Variants in AGAP3 observed in about 807,000 individuals in gnomAD.
The protein encoded by AGAP3 is ArfGAP with GTPase domain, ankyrin repeat and PH domain 3, also known as arf-GAP with GTPase, ANK repeat and PH domain-containing protein 3.
AGAP3 carries 24 observed loss-of-function variants against 96.9 expected under a neutral mutation model. That is an observed-to-expected ratio of 0.25 (90% CI 0.18 to 0.35). AGAP3 has a LOEUF of 0.35. Ranked by LOEUF, AGAP3 falls within the 10% of genes least tolerant of loss-of-function variation. AGAP3 has a pLI of 1.00. For missense variants in AGAP3, 876 were observed against 1,254.2 expected, an observed-to-expected ratio of 0.70 and a Z score of 4.55; for synonymous variants, 563 against 536.1, an observed-to-expected ratio of 1.05 and a Z score of -0.69.
chr7:151,104,769 C>T (rs1187423959), intron 1 of AGAP3, among the ~76,000 whole-genome samples: 1 of 152,230 alleles, frequency 6.6e-6, no homozygotes, highest in African/African-American at 2.4e-5. Flanking sequence ...GGGAAGAACA[C>T]ACCATAGGCA....
At position 151,118,377 on chromosome 7, in the gene AGAP3, G is replaced by A. The variant is rs1405187162; in HGVS notation, c.841+33G>A. On this transcript the variant is annotated intron_variant, in intron 6 of 17. Coordinates refer to ENST00000397238, the MANE Select transcript of AGAP3 (RefSeq NM_031946.7). The surrounding 1 kb of genome is among the most constrained non-coding windows in gnomAD (Gnocchi z 6.1). ...GGGTGCCGGGTGGGAGTCACTGGCAGCCGCGGCCCCAGTGCTGGCGATAGG... is the reference window on the plus strand; with the variant it reads ...GGGTGCCGGGTGGGAGTCACTGGCAACCGCGGCCCCAGTGCTGGCGATAGG... 2 of 1,598,512 alleles carry A rather than the reference G, an allele frequency of 1.3e-6. No homozygotes were observed. Among genetic ancestry groups the A allele is most frequent in the Non-Finnish European group, 8.6e-7 (1 of 1,168,224 alleles).
chr7:151,114,694 C>T lies in AGAP3; in HGVS notation c.332-2099C>T. On this transcript the variant is annotated intron_variant, in intron 1 of 17. Coordinates refer to ENST00000397238, the MANE Select transcript of AGAP3 (RefSeq NM_031946.7). This position sits in a 1 kb window ranked among gnomAD's most constrained non-coding sequence, Gnocchi z 4.4. The stretch of plus-strand genomic sequence containing the variant: ...TGCCCAGAGGCCGGAGGTCCGTGCG[C>T]CCCGGCCGCGGCCCCGGCCCGGGCC... 1 of 994,314 alleles carries T rather than the reference C, an allele frequency of 1.0e-6. No individual in the cohort carries two copies. 61.6% of individuals were successfully genotyped at this position (994,314 alleles called of 1,614,324 possible).
chr7:151,113,415 C>A (rs750476625), intron 1 of AGAP3, among the ~76,000 whole-genome samples: 1 of 152,190 alleles, frequency 6.6e-6, no homozygotes, highest in African/African-American at 2.4e-5. Context: ...GAATTTCCAG[C>A]GCTCTTTTCT....
In AGAP3 at chr7:151,140,165, C is replaced by G; in HGVS notation, c.1804+49C>G. ...CGGGCACAGGAGGTGGGCAGTGGGACTTGGGGATAGTACCCTAAAAGTAAC... is the reference window on the plus strand; with the variant it reads ...CGGGCACAGGAGGTGGGCAGTGGGAGTTGGGGATAGTACCCTAAAAGTAAC... On this transcript the variant is annotated intron_variant, in intron 13 of 17. Transcript: ENST00000397238. The surrounding 1 kb of genome is among the most constrained non-coding windows in gnomAD (Gnocchi z 5.4). The G allele has an allele frequency of 1.0e-5, 15 of 1,484,102 alleles. No homozygotes were observed. The highest frequency in any genetic ancestry group is 1.3e-5 in the Non-Finnish European group (14 of 1,116,008). The allele number at this position is 1,484,102 out of a possible 1,614,324, so 91.9% of individuals were successfully genotyped here.
intron 1 of AGAP3, 77 bp downstream of exon 1, chr7:151,087,149 C>T (rs976937077): frequency 1.4e-6 from 2 of 1,444,454 alleles, no homozygotes; most frequent in Admixed American, 4.0e-5. Flanking sequence ...ACAGGCCGTG[C>T]CTGGCCATGC....
chr7:151,098,086 CG>C (rs1162966631), intron 1 of AGAP3, among the ~76,000 whole-genome samples: 2 of 152,114 alleles, frequency 1.3e-5, no homozygotes, highest in Admixed American at 1.3e-4. Flanking sequence ...GGACCAAGCG[CG>C]GTGGCTCACA....
Position 151,134,469 on chromosome 7 carries a change from C to T in AGAP3, c.1396C>T (p.Arg466Cys), listed in dbSNP as rs767209308. The T allele has an allele frequency of 2.6e-5, 42 of 1,612,516 alleles. No homozygotes were observed. Among genetic ancestry groups the T allele is most frequent in the Non-Finnish European group, 3.4e-5 (40 of 1,179,814 alleles). Residue 466 changes from arginine to cysteine, a missense_variant, in exon 11 of 18, where the codon CGC (arginine) becomes TGC (cysteine). By Grantham distance (180) the Arg-to-Cys change is radical. Transcript: ENST00000397238. ...LRTTVKVPGK[R>C]LPRATPATAP... is the part of the protein sequence containing the mutation. ...GACAACGGTGAAAGTGCCAGGGAAG[C>T]GCCTGCCCCGAGCCACACCTGCCAC...
At chr7:151,103,173 T>G (rs533920134) in intron 1 of AGAP3, among the ~76,000 whole-genome samples, 1 of 152,334 alleles carries the variant, frequency 6.6e-6, no homozygotes, top group African/African-American at 2.4e-5. Context: ...CCCTACAGGG[T>G]AGTATTAACC....
Position 151,143,924 on chromosome 7 carries a change from G to T in AGAP3, c.2717G>T (p.Arg906Leu). 6.2e-7 allele frequency: 1 copy of T among 1,614,004 alleles called. No individual in the cohort carries two copies. The change falls in exon 18 of 18, where the codon CGT (arginine) becomes CTT (leucine). Residue 906 changes from arginine (R) to leucine (L), a missense_variant. Transcript: ENST00000397238. This position sits in a 1 kb window ranked among gnomAD's most constrained non-coding sequence, Gnocchi z 5.9. ...ACCAACCCCTCTGCTGAGCTGCACC[G>T]TAGTCCTAGCCTCCTATAAGGCCCA... is the stretch of plus-strand genomic sequence containing the variant. The part of the protein sequence containing the change: ...NGTNPSAELH[R>L]SPSLL
At position 151,142,738 on chromosome 7, in the gene AGAP3, ACTGT is replaced by A. The variant is rs1389152980; in HGVS notation, c.2273+109_2273+112del. The stretch of plus-strand genomic sequence containing the variant: ...CTGTGATGGTATTAGAAGGGTTAAA[ACTGT>A]CTGTTGCTCTGCTTGGCAGTTGGCC... On this transcript the variant is annotated intron_variant, in intron 16 of 17. Coordinates refer to ENST00000397238, the MANE Select transcript of AGAP3 (RefSeq NM_031946.7). This position sits in a 1 kb window ranked among gnomAD's most constrained non-coding sequence, Gnocchi z 7.5. 9 of 1,257,900 alleles carry A rather than the reference ACTGT, an allele frequency of 7.2e-6. No homozygotes were observed. Among genetic ancestry groups the A allele is most frequent in the South Asian group, 4.2e-5 (3 of 71,232 alleles). 77.9% of individuals were successfully genotyped at this position (1,257,900 alleles called of 1,614,324 possible). A position where few individuals can be genotyped will look rare whatever the true frequency, so the allele number is the denominator to read the frequency against.
Position 151,142,413 on chromosome 7 carries a change from T to A in AGAP3, c.2052T>A (p.Asn684Lys). Residue 684 changes from asparagine to lysine, a missense_variant and splice_region_variant, in exon 16 of 18, where the codon AAT becomes AAA. By Grantham distance (94) the Asn-to-Lys change is moderately conservative. This residue lies in a region of AGAP3 where 103 missense variants were observed against 183.0 expected (regional missense o/e 0.56). Transcript: ENST00000397238. The surrounding 1 kb of genome is among the most constrained non-coding windows in gnomAD (Gnocchi z 7.5). ...TATCATTCTCCTCTCCTTGCCTAGA[T>A]CCAGACTGGGCCAGCCTGAACCTGG... is the stretch of plus-strand genomic sequence containing the variant. ...NSFCIDCDAP[N>K]PDWASLNLGA... 2.5e-6 allele frequency: 4 copies of A among 1,613,268 alleles called. No homozygotes were observed. Among genetic ancestry groups the A allele is most frequent in the Non-Finnish European group, 3.4e-6 (4 of 1,179,506 alleles).
chr7:151,117,615 ATT>A lies in AGAP3; in HGVS notation c.565-18_565-17del. Reference sequence around the variant, plus strand: ...TTGCCAGGTCCAGTTGCGGGTGCTAATTTTACTTGCTCTACCCTAGTTTGCTG... The same window carrying A: ...TTGCCAGGTCCAGTTGCGGGTGCTAATTACTTGCTCTACCCTAGTTTGCTG... On this transcript the variant is annotated intron_variant, in intron 4 of 17. Transcript: ENST00000397238. 1.2e-6 allele frequency: 2 copies of A among 1,613,458 alleles called. No homozygotes were observed. The highest frequency in any genetic ancestry group is 1.7e-6 in the Non-Finnish European group (2 of 1,179,580).
Position 151,118,921 on chromosome 7 carries a change from G to A in AGAP3, c.969+289G>A, listed in dbSNP as rs1251264160. ...CCTACCCCGATGCCCTCTGCTGAAA[G>A]TCCTGGGCCATCCACAGGTGGCATG... On this transcript the variant is annotated intron_variant, in intron 7 of 17. Coordinates refer to ENST00000397238, the MANE Select transcript of AGAP3 (RefSeq NM_031946.7). This position sits in a 1 kb window ranked among gnomAD's most constrained non-coding sequence, Gnocchi z 6.1. Among the ~76,000 whole-genome samples, 1 of 152,200 alleles carries A rather than the reference G, an allele frequency of 6.6e-6. No homozygotes were observed.
At chr7:151,093,824 G>A (rs1335710967) in intron 1 of AGAP3, among the ~76,000 whole-genome samples, 1 of 152,194 alleles carries the variant, frequency 6.6e-6, no homozygotes, top group Non-Finnish European at 1.5e-5. Context: ...GAGAGCTGGG[G>A]CAAGTCTGCT....
intron 8 of AGAP3, chr7:151,120,970 G>A: frequency 1.7e-6 from 1 of 593,016 alleles, no homozygotes; most frequent in Non-Finnish European, 2.2e-6. Flanking sequence ...GACAAAGGTG[G>A]GTGAACCCCC....
Position 151,144,252 on chromosome 7 carries a change from A to C in AGAP3, c.*309A>C, listed in dbSNP as rs1459030279. ...CTCCAGATCCCTGCCTCCTAGTGCC[A>C]GCCCCTCACACGCCTTCATCCTGAA... is the stretch of plus-strand genomic sequence containing the variant. On this transcript the variant is annotated 3_prime_UTR_variant, in exon 18 of 18. Transcript: ENST00000397238. 1 of 392,648 alleles carries C rather than the reference A, an allele frequency of 2.5e-6. No homozygotes were observed. Among genetic ancestry groups the C allele is most frequent in the African/African-American group, 2.0e-5 (1 of 49,510 alleles). 24.3% of individuals were successfully genotyped at this position (392,648 alleles called of 1,614,324 possible).
At chr7:151,115,849 A>G (rs1473031233) in intron 1 of AGAP3, among the ~76,000 whole-genome samples, 1 of 152,144 alleles carries the variant, frequency 6.6e-6, no homozygotes, top group Admixed American at 6.5e-5. Context: ...GCGGCCCAGG[A>G]AAGGAAGAGG....
intron 1 of AGAP3, among the ~76,000 whole-genome samples, chr7:151,105,041 GA>G (rs1157417596): frequency 6.6e-6 from 1 of 152,218 alleles, no homozygotes; most frequent in Non-Finnish European, 1.5e-5. Context: ...GTGTTAAGGA[GA>G]GGGAAGAGGG....
chr7:151,108,035 C>G lies in AGAP3; in HGVS notation c.332-8758C>G, dbSNP rs529861140. Among the ~76,000 whole-genome samples, 11 of 152,330 alleles carry G rather than the reference C, an allele frequency of 7.2e-5. No homozygotes were observed. The East Asian group carries it at 2.1e-3, about 29-fold the overall frequency. Reference sequence around the variant, plus strand: ...CGGGGGGTGCAGCACATGCTGGTCGCGTTCCTCTCCAGGGAGGAGCTGCTA... The same window carrying G: ...CGGGGGGTGCAGCACATGCTGGTCGGGTTCCTCTCCAGGGAGGAGCTGCTA... On this transcript the variant is annotated intron_variant, in intron 1 of 17. Transcript: ENST00000397238. This position sits in a 1 kb window ranked among gnomAD's most constrained non-coding sequence, Gnocchi z 4.2.
Sources: allele counts gnomAD v4.1 joint callset (sites outside exome capture counted in the v4.1 genomes callset), GRCh38; gene constraint gnomAD v4.1.1; regional missense constraint gnomAD v4.1.1; non-coding constraint Gnocchi (gnomAD v3.1); transcripts MANE v1.5; gene names NCBI Gene and HGNC (gene_info 2026-07-23, HGNC 2026-07-21).